Variants in ESRRG observed in about 807,000 individuals in gnomAD.
ESRRG encodes estrogen related receptor gamma.
A neutral mutation model predicts 44.0 loss-of-function variants in ESRRG; 13 were observed. That is an observed-to-expected ratio of 0.30 (90% CI 0.19 to 0.47). The LOEUF (loss-of-function observed/expected upper bound fraction) is 0.47. Ranked by LOEUF, ESRRG falls within the 20% of genes least tolerant of loss-of-function variation. The probability of loss-of-function intolerance (pLI) is 1.00; values close to 1 mark genes in which losing one functional copy is unlikely to be tolerated. For missense variants in ESRRG, 395 were observed against 580.6 expected (o/e 0.68, Z 3.29); for synonymous variants, 215 against 214.6 (o/e 1.00, Z -0.02).
At chr1:217,020,188 A>C (rs1229385349) in intron 1 of ESRRG, among the ~76,000 whole-genome samples, 1 of 152,218 alleles carries the variant, frequency 6.6e-6, no homozygotes, top group Non-Finnish European at 1.5e-5. Context: ...GAAAAACAGC[A>C]CTTCAGTGAC....
At chr1:216,764,422 C>T (rs1438891782) in intron 2 of ESRRG, among the ~76,000 whole-genome samples, 2 of 152,048 alleles carry the variant, frequency 1.3e-5, no homozygotes, top group South Asian at 2.1e-4. Context: ...GTGCACACCA[C>T]CATGCCTGGC....
At chr1:216,579,380 C>T (rs971628864) in intron 3 of ESRRG, among the ~76,000 whole-genome samples, 1 of 151,992 alleles carries the variant, frequency 6.6e-6, no homozygotes, top group Non-Finnish European at 1.5e-5. Context: ...GTTACATGTC[C>T]ATCTAAACAT....
intron 3 of ESRRG, among the ~76,000 whole-genome samples, chr1:216,569,890 A>AAACCAAT (rs1173186063): frequency 1.3e-5 from 2 of 152,188 alleles, no homozygotes; most frequent in Admixed American, 1.3e-4. Flanking sequence ...TACATAGCAC[A>AAACCAAT]TGCAGTGTTT....
intron 5 of ESRRG, among the ~76,000 whole-genome samples, chr1:216,526,250 C>T (rs1200306306): frequency 6.6e-6 from 1 of 152,158 alleles, no homozygotes; most frequent in African/African-American, 2.4e-5. Flanking sequence ...GTCCTAACCT[C>T]CAGGACCTGG....
chr1:216,961,844 A>G (rs1050424307), intron 1 of ESRRG, among the ~76,000 whole-genome samples: 2 of 152,152 alleles, frequency 1.3e-5, no homozygotes, highest in African/African-American at 2.4e-5. Flanking sequence ...AGTAATTGCT[A>G]TTGAAAACCA....
chr1:216,779,736 G>C (rs1275516257), intron 2 of ESRRG, among the ~76,000 whole-genome samples: 1 of 148,946 alleles, frequency 6.7e-6, no homozygotes, highest in Non-Finnish European at 1.5e-5. Flanking sequence ...GTAATTAGAA[G>C]TATCTTTGGG....
chr1:217,045,591 G>A (rs1250971684), intron 1 of ESRRG, among the ~76,000 whole-genome samples: 2 of 152,202 alleles, frequency 1.3e-5, no homozygotes, highest in Non-Finnish European at 2.9e-5. Flanking sequence ...GAGGCACGAG[G>A]TTGCCCCAGT....
intron 1 of ESRRG, among the ~76,000 whole-genome samples, chr1:217,014,558 A>G (rs1036787439): frequency 2.6e-5 from 4 of 152,132 alleles, no homozygotes; most frequent in African/African-American, 9.7e-5. Context: ...TCCTCTATAA[A>G]ATCATACAGG....
At chr1:216,813,425 T>C (rs1023906230) in intron 2 of ESRRG, among the ~76,000 whole-genome samples, 4 of 152,222 alleles carry the variant, frequency 2.6e-5, no homozygotes, top group African/African-American at 9.6e-5. Flanking sequence ...TGTAATATTA[T>C]GGAACTTAGT....
intron 1 of ESRRG, among the ~76,000 whole-genome samples, chr1:217,085,637 C>T (rs111545747): frequency 0.16 from 24,481 of 151,084 alleles, 2,289 homozygotes; most frequent in Admixed American, 0.22. Context: ...ATTACAGGTG[C>T]GCACCACCAC....
chr1:216,519,300 G>A lies in ESRRG; in HGVS notation c.984C>T (p.Asp328=), dbSNP rs770002304. ...ACTGGTCTTCGTCCATTATATAATC[G>A]TCTGCATAGACAAGTTCATCCTCAA... is the stretch of plus-strand genomic sequence containing the variant. ...LSFEDELVYA[D]DYIMDEDQSK... is the part of the protein sequence containing the mutation. Residue 328 remains aspartate (D), a synonymous_variant, in exon 6 of 7, where the codon GAC becomes GAT. Coordinates refer to ENST00000408911, the MANE Select transcript of ESRRG (RefSeq NM_001438.4). 63 of 1,613,628 alleles carry A rather than the reference G, an allele frequency of 3.9e-5. No homozygotes were observed. The highest frequency in any genetic ancestry group is 3.3e-4 in the Middle Eastern group (2 of 6,082).
At chr1:216,616,242 G>A (rs2061417203) in intron 3 of ESRRG, among the ~76,000 whole-genome samples, 2 of 152,074 alleles carry the variant, frequency 1.3e-5, no homozygotes, top group South Asian at 4.2e-4. Context: ...CAAACCCGTG[G>A]GTGCAGGTGG....
chr1:216,940,832 T>C (rs1192558216), intron 1 of ESRRG, among the ~76,000 whole-genome samples: 1 of 152,054 alleles, frequency 6.6e-6, no homozygotes, highest in East Asian at 1.9e-4. Flanking sequence ...AATCCCAAAT[T>C]CCCCCTACAC....
chr1:216,612,377 G>A (rs901096893), intron 3 of ESRRG, among the ~76,000 whole-genome samples: 3 of 151,664 alleles, frequency 2.0e-5, no homozygotes, highest in Admixed American at 6.6e-5. Context: ...AGGAAGGGGC[G>A]GGAATAGAAC....
At chr1:216,703,369 G>A (rs529917693) in intron 1 of ESRRG, among the ~76,000 whole-genome samples, 37 of 152,204 alleles carry the variant, frequency 2.4e-4, no homozygotes, top group South Asian at 1.5e-3. Flanking sequence ...GTGTTGGGCC[G>A]CATTCAAAGC....
At chr1:217,115,389 T>C (rs186501653) in intron 1 of ESRRG, among the ~76,000 whole-genome samples, 15 of 152,262 alleles carry the variant, frequency 9.9e-5, no homozygotes, top group Admixed American at 8.5e-4. Flanking sequence ...CCAGCCTGGC[T>C]TTAGCATGAT....
intron 2 of ESRRG, among the ~76,000 whole-genome samples, chr1:216,784,643 C>G (rs1392803706): frequency 1.3e-5 from 2 of 151,904 alleles, no homozygotes. Context: ...AATTATAAAA[C>G]AGATGATTGT....
At chr1:217,126,635 T>C (rs1369310219) in intron 1 of ESRRG, among the ~76,000 whole-genome samples, 1 of 152,082 alleles carries the variant, frequency 6.6e-6, no homozygotes, top group Non-Finnish European at 1.5e-5. Context: ...TAATCTTAAG[T>C]AGGCAAACAG....
At chr1:216,575,150 C>A (rs1051910147) in intron 3 of ESRRG, among the ~76,000 whole-genome samples, 2 of 152,068 alleles carry the variant, frequency 1.3e-5, no homozygotes, top group African/African-American at 4.8e-5. Flanking sequence ...CCTAGAGTAG[C>A]TGTGCATACT....
Sources: gnomAD v4.1 joint callset for allele counts (sites outside exome capture counted in the v4.1 genomes callset) on GRCh38, gnomAD v4.1.1 for gene constraint, MANE v1.5 for transcripts, NCBI Gene and HGNC (gene_info 2026-07-23, HGNC 2026-07-21) for gene names.